Variants in DOCK7 observed in about 807,000 individuals in gnomAD.
DOCK7 encodes dedicator of cytokinesis 7.
Under a neutral mutation model 271.0 loss-of-function variants are expected in DOCK7, and 138 were observed. The ratio of observed to expected loss-of-function variants is 0.51; its 90% CI spans 0.44 to 0.59. The LOEUF (loss-of-function observed/expected upper bound fraction) is 0.59, where lower values mean the gene tolerates loss of function less well. Among genes scored for constraint, DOCK7 ranks in the 20% least tolerant of loss-of-function variants. DOCK7 has a pLI of 0.00. For synonymous variants in DOCK7, 823 were observed against 876.1 expected (o/e 0.94, Z 1.07); for missense variants, 2,066 against 2,592.4 (o/e 0.80, Z 4.41).
intron 18 of DOCK7, among the ~76,000 whole-genome samples, chr1:62,565,029 T>G (rs1646464982): frequency 6.6e-6 from 1 of 152,028 alleles, no homozygotes; most frequent in Non-Finnish European, 1.5e-5. Flanking sequence ...GAGACCAATA[T>G]TCAAGTTCTG....
At chr1:62,605,237 T>C (rs1650812209) in intron 14 of DOCK7, 1 of 176,236 alleles carries the variant, frequency 5.7e-6, no homozygotes, top group Admixed American at 5.6e-5. Flanking sequence ...TACAGAGGAC[T>C]GGTAATTGTA....
At chr1:62,627,668 G>A (rs567494645) in intron 11 of DOCK7, 13 of 151,414 alleles carry the variant, frequency 8.6e-5, no homozygotes, top group South Asian at 4.2e-4. Flanking sequence ...AAAATACTAC[G>A]GTATAAATTT....
intron 36 of DOCK7, among the ~76,000 whole-genome samples, chr1:62,505,316 T>C (rs1333021106): frequency 6.6e-6 from 1 of 152,194 alleles, no homozygotes; most frequent in East Asian, 1.9e-4. Context: ...GTGGGTTGAA[T>C]TGCTTATATA....
At chr1:62,565,244 A>G (rs765182857) in intron 18 of DOCK7, among the ~76,000 whole-genome samples, 5 of 152,058 alleles carry the variant, frequency 3.3e-5, no homozygotes, top group Non-Finnish European at 5.9e-5. Flanking sequence ...GAGACACAAC[A>G]AAAAAAGAAT....
At chr1:62,522,540 CACA>C (rs1366011606) in intron 31 of DOCK7, among the ~76,000 whole-genome samples, 2 of 151,758 alleles carry the variant, frequency 1.3e-5, no homozygotes, top group African/African-American at 4.8e-5. Flanking sequence ...AAGAGACTTC[CACA>C]ATAAAGGAAG....
Position 62,568,806 on chromosome 1 carries a change from GT to G in DOCK7, c.2113-7104del, listed in dbSNP as rs201445886. Among the ~76,000 whole-genome samples, 939 of 141,062 alleles carry G rather than the reference GT, an allele frequency of 6.7e-3. 8 individuals carry two copies. Among genetic ancestry groups the G allele is most frequent in the African/African-American group, 0.018 (707 of 38,672 alleles). 92.5% of individuals were successfully genotyped at this position (141,062 alleles called of 152,430 possible). On this transcript the variant is annotated intron_variant, in intron 18 of 49. Coordinates refer to ENST00000635253, the MANE Select transcript of DOCK7 (RefSeq NM_001367561.1). ...CAAAAAATTAACAGATCCAGAAGCT[GT>G]TTTTTTTTTTGAAAAAATTAATAAA...
At chr1:62,686,591 ACTAC>A (rs1186228739) in intron 1 of DOCK7, among the ~76,000 whole-genome samples, 1 of 152,196 alleles carries the variant, frequency 6.6e-6, no homozygotes, top group African/African-American at 2.4e-5. Flanking sequence ...GAAACTAATT[ACTAC>A]AAGTGTTTGA....
intron 11 of DOCK7, chr1:62,628,674 A>G (rs1654241195): frequency 6.6e-6 from 1 of 152,218 alleles, no homozygotes; most frequent in African/African-American, 2.4e-5. Context: ...CACAGTGACA[A>G]AAGAAAAAAA....
intron 14 of DOCK7, chr1:62,604,007 G>A: frequency 6.2e-7 from 1 of 1,613,002 alleles, no homozygotes; most frequent in East Asian, 2.2e-5. Context: ...ATACTCCATA[G>A]TGAAGCAATC....
At chr1:62,577,126 G>A (rs979865218) in intron 18 of DOCK7, 136 bp downstream of exon 18, 20 of 431,428 alleles carry the variant, frequency 4.6e-5, no homozygotes, top group African/African-American at 1.0e-4. Flanking sequence ...TTTTAACCAC[G>A]GGAGAAAATA....
rs1207505842 is a variant in DOCK7 at position 62,504,503 on chromosome 1, A to C, written c.4764+127T>G. The C allele has an allele frequency of 1.8e-5, 18 of 996,934 alleles. No homozygotes were observed. The East Asian group carries it at 1.9e-4, about 10-fold the overall frequency. 61.8% of individuals were successfully genotyped at this position (996,934 alleles called of 1,614,324 possible). A position where few individuals can be genotyped will look rare whatever the true frequency, so the allele number is the denominator to read the frequency against. ...GATATACACAGAATGAGAAATATCA[A>C]GATAGCCTATGATTAGACTAAAAAT... On this transcript the variant is annotated intron_variant, in intron 37 of 49. Transcript: ENST00000635253.
intron 14 of DOCK7, among the ~76,000 whole-genome samples, chr1:62,596,920 C>A (rs545963584): frequency 2.0e-5 from 3 of 151,680 alleles, no homozygotes; most frequent in African/African-American, 4.8e-5. Context: ...GATTTTGTGA[C>A]AATATACAAG....
At chr1:62,460,720 G>A (rs923609144) in intron 48 of DOCK7, among the ~76,000 whole-genome samples, 1 of 151,660 alleles carries the variant, frequency 6.6e-6, no homozygotes, top group African/African-American at 2.4e-5. Flanking sequence ...GCAGTGGCAC[G>A]ATCTCAGCTC....
At chr1:62,522,800 ATTTAT>A (rs1219993459) in intron 31 of DOCK7, among the ~76,000 whole-genome samples, 3 of 152,114 alleles carry the variant, frequency 2.0e-5, no homozygotes, top group African/African-American at 4.8e-5. Context: ...TCACTTTATC[ATTTAT>A]TTTATATTGT....
chr1:62,470,581 G>A (rs752141556), intron 48 of DOCK7, among the ~76,000 whole-genome samples: 17 of 152,124 alleles, frequency 1.1e-4, no homozygotes, highest in Non-Finnish European at 2.5e-4. Flanking sequence ...AGATCATGAG[G>A]TCAGGAGTTC....
At chr1:62,492,279 T>TA (rs1043506261) in intron 41 of DOCK7, 54 of 155,414 alleles carry the variant, frequency 3.5e-4, no homozygotes, top group African/African-American at 1.3e-3. Context: ...GGACTTGAAA[T>TA]AAAAAACAAT....
chr1:62,647,842 G>A (rs1217904469), intron 6 of DOCK7, 66 bp from the exon 7 acceptor site: 22 of 1,186,440 alleles, frequency 1.9e-5, no homozygotes, highest in Admixed American at 4.3e-5. Context: ...ATCTTTTTCA[G>A]AACTTACTTT....
At chr1:62,613,225 T>C (rs1341206355) in intron 14 of DOCK7, among the ~76,000 whole-genome samples, 1 of 152,234 alleles carries the variant, frequency 6.6e-6, no homozygotes, top group Non-Finnish European at 1.5e-5. Context: ...ATAGGGTAAG[T>C]ACTTCCTTGA....
At position 62,653,576 on chromosome 1, in the gene DOCK7, A is replaced by G. The variant is rs772823313; in HGVS notation, c.389+149T>C. ...AAGTATTACAGAAATCCTAAGGAGT[A>G]AATATCTATACACAAAAGTTCTTCT... is the stretch of plus-strand genomic sequence containing the variant. On this transcript the variant is annotated intron_variant, in intron 4 of 49. Coordinates refer to ENST00000635253, the MANE Select transcript of DOCK7 (RefSeq NM_001367561.1). 7.5e-5 allele frequency: 44 copies of G among 589,440 alleles called. No homozygotes were observed. The Middle Eastern group carries it at 1.8e-3, about 24-fold the overall frequency. The allele number at this position is 589,440 out of a possible 1,614,324, so 36.5% of individuals were successfully genotyped here.
Sources: gnomAD v4.1 joint callset for allele counts (sites outside exome capture counted in the v4.1 genomes callset) on GRCh38, gnomAD v4.1.1 for gene constraint, MANE v1.5 for transcripts, NCBI Gene and HGNC (gene_info 2026-07-23, HGNC 2026-07-21) for gene names.